MSN: variants seen among roughly 807,000 people sequenced by gnomAD.
MSN encodes the protein moesin.
A neutral mutation model predicts 48.0 loss-of-function variants in MSN; 2 were observed. That is an observed-to-expected ratio of 0.04 (90% CI 0.02 to 0.13). The LOEUF is 0.13. Among genes scored for constraint, MSN ranks in the 10% least tolerant of loss-of-function variants. MSN has a pLI of 1.00. For missense variants in MSN, 267 were observed against 470.1 expected (o/e 0.57, Z 3.99); for synonymous variants, 146 against 166.9 (o/e 0.87, Z 0.97).
intron 2 of MSN, among the ~76,000 whole-genome samples, chrX:65,723,382 C>A (rs1046062815): frequency 5.4e-5 from 6 of 111,579 alleles, no homozygotes; most frequent in African/African-American, 2.0e-4. Flanking sequence ...TCCTACCACA[C>A]CCCCTATGTC....
At chrX:65,634,866 C>T (rs948286226) in intron 1 of MSN, among the ~76,000 whole-genome samples, 1 of 111,047 alleles carries the variant, frequency 9.0e-6, no homozygotes. Flanking sequence ...TACCTTGGGG[C>T]CTTCTGTCTG....
At chrX:65,632,041 A>G (rs760457077) in intron 1 of MSN, among the ~76,000 whole-genome samples, 1 of 112,042 alleles carries the variant, frequency 8.9e-6, no homozygotes, top group East Asian at 2.8e-4. Context: ...TTTCTTGTGA[A>G]CAGAAATGTT....
At chrX:65,636,937 A>T (rs1403420444) in intron 1 of MSN, among the ~76,000 whole-genome samples, 1 of 100,783 alleles carries the variant, frequency 9.9e-6, no homozygotes, top group Admixed American at 1.1e-4. Context: ...AAAAAAAAAA[A>T]AAAACTTAGC....
chrX:65,691,166 A>G (rs1363813139), intron 1 of MSN, among the ~76,000 whole-genome samples: 3 of 111,706 alleles, frequency 2.7e-5, no homozygotes, highest in African/African-American at 9.8e-5. Flanking sequence ...TCTTTTTCCT[A>G]CTAGGTGGGG....
At chrX:65,727,496 T>G (rs992773438) in intron 2 of MSN, among the ~76,000 whole-genome samples, 12 of 112,172 alleles carry the variant, frequency 1.1e-4, no homozygotes, top group African/African-American at 3.9e-4. Flanking sequence ...ACCTCATTTT[T>G]GATATCTATA....
In MSN at chrX:65,740,274, C is replaced by G. The variant is rs1602878965; in HGVS notation, c.*381C>G. On this transcript the variant is annotated 3_prime_UTR_variant, in exon 13 of 13. Coordinates refer to ENST00000360270, the MANE Select transcript of MSN (RefSeq NM_002444.3). ...AGCTAGCTCCCCTCCTCTCCCCTAC[C>G]ACTGTCTTCTTCAGGGTCCTGAGAT... 5.1e-6 allele frequency: 1 copy of G among 194,562 alleles called. No homozygotes were observed. The highest frequency in any genetic ancestry group is 7.6e-5 in the East Asian group (1 of 13,209). 16.0% of individuals were successfully genotyped at this position (194,562 alleles called of 1,213,427 possible).
chrX:65,715,104 G>A (rs1342009747), intron 1 of MSN, among the ~76,000 whole-genome samples: 4 of 110,715 alleles, frequency 3.6e-5, no homozygotes, highest in African/African-American at 1.3e-4. Context: ...TGTTTTTGTC[G>A]ACTTTGTCAA....
intron 1 of MSN, among the ~76,000 whole-genome samples, chrX:65,627,393 G>T (rs112739713): frequency 9.1e-6 from 1 of 109,472 alleles, no homozygotes; most frequent in Non-Finnish European, 1.9e-5. Context: ...CCACATGGCT[G>T]GGGCAACCTC....
chrX:65,674,902 G>A (rs746948727), intron 1 of MSN, among the ~76,000 whole-genome samples: 1 of 111,952 alleles, frequency 8.9e-6, no homozygotes, highest in South Asian at 3.7e-4. Context: ...TAGTTATATA[G>A]CCTTGGACAA....
chrX:65,702,066 AC>A (rs1271766271), intron 1 of MSN, among the ~76,000 whole-genome samples: 1 of 102,639 alleles, frequency 9.7e-6, no homozygotes, highest in East Asian at 3.1e-4. Context: ...ATGCTGCAGG[AC>A]AGTGGTGCAA....
intron 1 of MSN, among the ~76,000 whole-genome samples, chrX:65,708,327 A>C (rs1055245306): frequency 3.6e-5 from 4 of 111,963 alleles, no homozygotes; most frequent in African/African-American, 9.7e-5. Flanking sequence ...GGGTCTCACT[A>C]TGTTGCCCAG....
chrX:65,622,831 G>A (rs757189700), intron 1 of MSN, among the ~76,000 whole-genome samples: 1 of 111,484 alleles, frequency 9.0e-6, no homozygotes, highest in Admixed American at 9.6e-5. Flanking sequence ...TCTTGTTCTT[G>A]ATCTTAAAGG....
At chrX:65,599,853 T>C (rs1569452680) in intron 1 of MSN, among the ~76,000 whole-genome samples, 1 of 110,156 alleles carries the variant, frequency 9.1e-6, no homozygotes. Context: ...GTGATGACAG[T>C]GAGGAGGAAA....
chrX:65,674,707 A>G (rs1184641633), intron 1 of MSN, among the ~76,000 whole-genome samples: 1 of 111,722 alleles, frequency 9.0e-6, no homozygotes, highest in Non-Finnish European at 1.9e-5. Flanking sequence ...AAATTGTTTG[A>G]ATGCAGACTA....
At position 65,741,499 on chromosome X, in the gene MSN, C is replaced by G. The variant is rs1281542815; in HGVS notation, c.*1606C>G. 6.0e-6 allele frequency: 1 copy of G among 166,418 alleles called. No individual in the cohort carries two copies. The highest frequency in any genetic ancestry group is 8.7e-5 in the East Asian group (1 of 11,517). The allele number at this position is 166,418 out of a possible 1,213,427, so 13.7% of individuals were successfully genotyped here. ...AGTGATGTCATCTGTCACTATAGGT[C>G]ATACAATCCATTCTTAAAGTACTTG... On this transcript the variant is annotated 3_prime_UTR_variant, in exon 13 of 13. Transcript: ENST00000360270.
intron 1 of MSN, among the ~76,000 whole-genome samples, chrX:65,605,233 A>C (rs1444720580): frequency 1.8e-5 from 2 of 112,640 alleles, no homozygotes; most frequent in Non-Finnish European, 3.8e-5. Flanking sequence ...GTTCCTACAC[A>C]ATCTTTCCTG....
At chrX:65,611,700 C>T (rs1195184506) in intron 1 of MSN, among the ~76,000 whole-genome samples, 1 of 111,399 alleles carries the variant, frequency 9.0e-6, no homozygotes, top group Non-Finnish European at 1.9e-5. Context: ...TCTTTGAGAC[C>T]CTGCTTTCAA....
At chrX:65,677,796 A>G (rs1161966130) in intron 1 of MSN, among the ~76,000 whole-genome samples, 4 of 111,146 alleles carry the variant, frequency 3.6e-5, no homozygotes, top group Non-Finnish European at 7.6e-5. Flanking sequence ...TAAATGGAAA[A>G]GAACAAACCC....
In MSN at chrX:65,738,631, C is replaced by T. The variant is rs778732313; in HGVS notation, c.1344+14C>T. 137 of 1,188,803 alleles carry T rather than the reference C, an allele frequency of 1.2e-4. 1 individual carries two copies. The East Asian group carries it at 4.1e-3, about 35-fold the overall frequency. On this transcript the variant is annotated intron_variant, in intron 11 of 12. Coordinates refer to ENST00000360270, the MANE Select transcript of MSN (RefSeq NM_002444.3). ...TGGCAGCAGAAGGTAAGACACAGGG[C>T]CTAAAGCAAAGCATTGAAGGAATGG...
Sources: allele counts gnomAD v4.1 joint callset (sites outside exome capture counted in the v4.1 genomes callset), GRCh38; gene constraint gnomAD v4.1.1; transcripts MANE v1.5; gene names NCBI Gene and HGNC (gene_info 2026-07-23, HGNC 2026-07-21).